Variants in SMIM36 observed in about 807,000 individuals in gnomAD.
The protein encoded by SMIM36 is small integral membrane protein 36.
intron 1 of SMIM36, among the ~76,000 whole-genome samples, chr17:55,491,303 T>TA (rs1567868348): frequency 1.3e-5 from 2 of 149,492 alleles, no homozygotes; most frequent in African/African-American, 4.9e-5. Flanking sequence ...AAATATTAAT[T>TA]AAAAAAAGAA....
the SMIM36 span, among the ~76,000 whole-genome samples, chr17:55,518,042 C>A: frequency 1.3e-5 from 2 of 152,154 alleles, no homozygotes; most frequent in Admixed American, 1.3e-4. Context: ...AAGTATGTAT[C>A]TTAGTCCATT....
chr17:55,492,628 TA>T (rs57104591), intron 1 of SMIM36, among the ~76,000 whole-genome samples: 445 of 143,100 alleles, frequency 3.1e-3, no homozygotes, highest in Middle Eastern at 3.6e-3. Flanking sequence ...TACACCCACT[TA>T]AAAAAAAAAA....
chr17:55,450,584 G>A (rs1036965732), intron 4 of SMIM36, among the ~76,000 whole-genome samples: 5 of 152,116 alleles, frequency 3.3e-5, no homozygotes, highest in African/African-American at 4.8e-5. Flanking sequence ...GAAGTGAAGC[G>A]ACTTGCCCAC....
At chr17:55,524,861 A>G in the SMIM36 span, among the ~76,000 whole-genome samples, 1 of 152,188 alleles carries the variant, frequency 6.6e-6, no homozygotes, top group Admixed American at 6.5e-5. Flanking sequence ...CTATCATTAC[A>G]TTGTCATCAT....
At chr17:55,481,592 A>G (rs548374318) in intron 1 of SMIM36, among the ~76,000 whole-genome samples, 10 of 152,334 alleles carry the variant, frequency 6.6e-5, no homozygotes, top group African/African-American at 2.2e-4. Context: ...AAGCACGGGT[A>G]TAAGTGTTCT....
intron 1 of SMIM36, among the ~76,000 whole-genome samples, chr17:55,500,285 C>G (rs1469908954): frequency 6.6e-6 from 1 of 151,998 alleles, no homozygotes; most frequent in East Asian, 1.9e-4. Flanking sequence ...CCACCATACT[C>G]AGCTAATTCT....
At chr17:55,483,835 G>T (rs1341318388) in intron 1 of SMIM36, among the ~76,000 whole-genome samples, 1 of 152,080 alleles carries the variant, frequency 6.6e-6, no homozygotes, top group African/African-American at 2.4e-5. Context: ...CATTGGCCAG[G>T]CTGGTTGGTC....
intron 1 of SMIM36, among the ~76,000 whole-genome samples, chr17:55,486,572 T>C (rs1331170971): frequency 2.0e-5 from 3 of 152,172 alleles, no homozygotes; most frequent in African/African-American, 7.2e-5. Flanking sequence ...TGGGTCTGGG[T>C]TGGGGCCTTG....
At position 55,487,973 on chromosome 17, in the gene SMIM36, G is replaced by A. The variant is rs73320158; in HGVS notation, c.*175-8393C>T. Among the ~76,000 whole-genome samples the A allele has an allele frequency of 4.0e-3, 604 of 152,256 alleles. 7 individuals carry two copies. Among genetic ancestry groups the A allele is most frequent in the African/African-American group, 0.013 (554 of 41,548 alleles). Reference sequence around the variant, plus strand: ...TAGCTGAGTCTGATGGGAAGCTGCTGGAAACTTCTGAAAACCCCAGTAAGA... The same window carrying A: ...TAGCTGAGTCTGATGGGAAGCTGCTAGAAACTTCTGAAAACCCCAGTAAGA... On this transcript the variant is annotated intron_variant, in intron 1 of 4. Coordinates refer to ENST00000636752, the Ensembl canonical transcript of SMIM36.
intron 1 of SMIM36, among the ~76,000 whole-genome samples, 167 bp from the exon 2 acceptor site, chr17:55,479,747 TTA>T (rs1378746171): frequency 6.6e-6 from 1 of 152,318 alleles, no homozygotes; most frequent in East Asian, 1.9e-4. Context: ...CTTAGTTTTA[TTA>T]TATATAAAGT....
At position 55,502,944 on chromosome 17, in the gene SMIM36, C is replaced by T. The variant is rs1054626048; in HGVS notation, c.*174+7935G>A. ...TGAAGAATGCAGAAGCCTCAGGAGC[C>T]GATGCGATCAACTGGAAGAAAGGGT... is the stretch of plus-strand genomic sequence containing the variant. On this transcript the variant is annotated intron_variant, in intron 1 of 4. Transcript: ENST00000636752. 1.6e-3 allele frequency among the ~76,000 whole-genome samples: 246 copies of T among 149,952 alleles called. 1 individual carries two copies. Among genetic ancestry groups the T allele is most frequent in the African/African-American group, 5.4e-3 (216 of 40,232 alleles).
At chr17:55,463,309 T>G (rs1169795313) in intron 4 of SMIM36, among the ~76,000 whole-genome samples, 1 of 152,062 alleles carries the variant, frequency 6.6e-6, no homozygotes, top group Non-Finnish European at 1.5e-5. Context: ...ATCCCAGCAC[T>G]TTGGGAGGCT....
chr17:55,482,646 A>T (rs906134095), intron 1 of SMIM36, among the ~76,000 whole-genome samples: 3 of 152,252 alleles, frequency 2.0e-5, no homozygotes, highest in Non-Finnish European at 2.9e-5. Flanking sequence ...TGTTGAATGG[A>T]TAACAAAGAG....
intron 4 of SMIM36, among the ~76,000 whole-genome samples, chr17:55,465,101 T>C (rs1020495570): frequency 1.5e-4 from 23 of 152,220 alleles, no homozygotes; most frequent in African/African-American, 5.5e-4. Context: ...CTCTGTGCTC[T>C]GTGTTGGGCA....
At chr17:55,481,243 T>C (rs1342388143) in intron 1 of SMIM36, among the ~76,000 whole-genome samples, 1 of 152,200 alleles carries the variant, frequency 6.6e-6, no homozygotes, top group African/African-American at 2.4e-5. Context: ...TCTTATTTTA[T>C]GCCTAATTCT....
chr17:55,484,789 C>G (rs1384925123), intron 1 of SMIM36, among the ~76,000 whole-genome samples: 1 of 152,208 alleles, frequency 6.6e-6, no homozygotes, highest in Non-Finnish European at 1.5e-5. Context: ...TCATGCAAAA[C>G]TTGAGGCGTG....
At chr17:55,529,551 A>G in the SMIM36 span, among the ~76,000 whole-genome samples, 1 of 152,080 alleles carries the variant, frequency 6.6e-6, no homozygotes, top group Non-Finnish European at 1.5e-5. Context: ...GCAGATCACA[A>G]GGTCAGGAGA....
At chr17:55,460,634 G>A (rs1007160051) in intron 4 of SMIM36, among the ~76,000 whole-genome samples, 4 of 152,186 alleles carry the variant, frequency 2.6e-5, no homozygotes, top group Admixed American at 1.3e-4. Flanking sequence ...GAGGCGGGCA[G>A]ATCACGAGGT....
chr17:55,471,454 A>C (rs1156770838), intron 3 of SMIM36, among the ~76,000 whole-genome samples: 1 of 152,106 alleles, frequency 6.6e-6, no homozygotes, highest in African/African-American at 2.4e-5. Flanking sequence ...TCCTCCATCA[A>C]CATACACATG....
Sources: gnomAD v4.1 joint callset for allele counts (sites outside exome capture counted in the v4.1 genomes callset) on GRCh38, gnomAD v4.1.1 for gene constraint, MANE v1.5 for transcripts, NCBI Gene and HGNC (gene_info 2026-07-23, HGNC 2026-07-21) for gene names.